DAB1: variants seen among roughly 807,000 people sequenced by gnomAD.
DAB1 encodes the protein DAB adaptor protein 1, also known as disabled homolog 1.
Under a neutral mutation model 64.6 loss-of-function variants are expected in DAB1, and 15 were observed. The ratio of observed to expected loss-of-function variants is 0.23; its 90% confidence interval spans 0.16 to 0.36. The LOEUF (loss-of-function observed/expected upper bound fraction) is 0.36, where lower values mean the gene tolerates loss of function less well. Ranked by LOEUF, DAB1 falls within the 10% of genes least tolerant of loss-of-function variation. The pLI is 1.00. For missense variants in DAB1, 596 were observed against 706.7 expected (o/e 0.84, Z 1.78); for synonymous variants, 235 against 251.9 (o/e 0.93, Z 0.64).
At chr1:57,045,844 T>C (rs1269250149) in intron 9 of DAB1, among the ~76,000 whole-genome samples, 1 of 152,222 alleles carries the variant, frequency 6.6e-6, no homozygotes. Flanking sequence ...AACGATATGC[T>C]GACAGAACTT....
intron 5 of DAB1, among the ~76,000 whole-genome samples, chr1:57,976,719 A>G (rs749878780): frequency 2.0e-5 from 3 of 152,152 alleles, no homozygotes; most frequent in Non-Finnish European, 4.4e-5. Context: ...CCAACATTAG[A>G]TATACTTTCT....
chr1:57,220,308 C>G (rs1666761466), intron 2 of DAB1, among the ~76,000 whole-genome samples: 1 of 152,228 alleles, frequency 6.6e-6, no homozygotes, highest in Admixed American at 6.5e-5. Context: ...ATGCTCTGAG[C>G]TAAAATCATT....
chr1:57,745,227 G>A (rs558905731), intron 6 of DAB1, among the ~76,000 whole-genome samples: 5 of 152,238 alleles, frequency 3.3e-5, no homozygotes, highest in South Asian at 2.1e-4. Context: ...AAAGTGTGGC[G>A]TTGGTGCTCT....
intron 7 of DAB1, among the ~76,000 whole-genome samples, chr1:57,433,660 T>A (rs960750196): frequency 6.6e-6 from 1 of 152,094 alleles, no homozygotes; most frequent in Admixed American, 6.5e-5. Flanking sequence ...AATTGAACTT[T>A]ATCACAGTTT....
intron 7 of DAB1, among the ~76,000 whole-genome samples, chr1:57,534,315 G>A (rs1023544977): frequency 3.9e-5 from 6 of 152,148 alleles, no homozygotes; most frequent in Admixed American, 3.9e-4. Flanking sequence ...TTGCAAAAAT[G>A]TGGATGCAAT....
chr1:57,772,723 G>C (rs1263074439), intron 6 of DAB1, among the ~76,000 whole-genome samples: 1 of 151,928 alleles, frequency 6.6e-6, no homozygotes, highest in Non-Finnish European at 1.5e-5. Context: ...ATTCTAGTAG[G>C]CATTCTCATT....
intron 5 of DAB1, among the ~76,000 whole-genome samples, chr1:57,963,979 T>C (rs553213571): frequency 6.6e-6 from 1 of 152,288 alleles, no homozygotes; most frequent in South Asian, 2.1e-4. Flanking sequence ...TGGACACCAT[T>C]TGCCTTTCAT....
chr1:57,356,735 G>T (rs1398706794), intron 1 of DAB1, among the ~76,000 whole-genome samples: 1 of 151,912 alleles, frequency 6.6e-6, no homozygotes, highest in Non-Finnish European at 1.5e-5. Context: ...CCAAATGAAG[G>T]TCCTAAAGCC....
intron 3 of DAB1, among the ~76,000 whole-genome samples, chr1:58,347,013 T>C (rs1006342003): frequency 6.6e-6 from 1 of 152,232 alleles, no homozygotes; most frequent in Non-Finnish European, 1.5e-5. Context: ...TATGACTCAT[T>C]GGGTTGCTGC....
At chr1:58,118,239 G>A (rs1652467274) in intron 5 of DAB1, among the ~76,000 whole-genome samples, 1 of 150,602 alleles carries the variant, frequency 6.6e-6, no homozygotes, top group African/African-American at 2.4e-5. Flanking sequence ...CTAGGTCAGT[G>A]TTCTCAGACT....
At chr1:58,130,501 T>C (rs1653470631) in intron 5 of DAB1, among the ~76,000 whole-genome samples, 1 of 152,136 alleles carries the variant, frequency 6.6e-6, no homozygotes, top group South Asian at 2.1e-4. Context: ...CCTGTCATTA[T>C]GATGTTAGCT....
At chr1:58,398,603 G>C (rs796853457) in intron 3 of DAB1, among the ~76,000 whole-genome samples, 1 of 152,262 alleles carries the variant, frequency 6.6e-6, no homozygotes, top group Admixed American at 6.5e-5. Context: ...AAGCAGCATA[G>C]CATTACCTTG....
At chr1:57,735,695 GA>G (rs982034809) in intron 6 of DAB1, among the ~76,000 whole-genome samples, 5 of 132,624 alleles carry the variant, frequency 3.8e-5, no homozygotes, top group Admixed American at 8.1e-5. Context: ...TGGTATAGTT[GA>G]AAAAAATTCA....
chr1:58,052,038 CT>C (rs1282437063), intron 5 of DAB1, among the ~76,000 whole-genome samples: 2 of 152,136 alleles, frequency 1.3e-5, no homozygotes, highest in African/African-American at 4.8e-5. Flanking sequence ...TGCAGAAGCT[CT>C]TTAGTTTAAT....
intron 4 of DAB1, among the ~76,000 whole-genome samples, chr1:58,288,871 G>GTCATATTT (rs1661752329): frequency 3.3e-5 from 5 of 152,104 alleles, no homozygotes; most frequent in Admixed American, 3.3e-4. Context: ...ATGTGTGCTG[G>GTCATATTT]TCATATTTCT....
chr1:57,122,060 G>A (rs745388009), intron 4 of DAB1, among the ~76,000 whole-genome samples: 5 of 152,034 alleles, frequency 3.3e-5, no homozygotes, highest in South Asian at 2.1e-4. Flanking sequence ...TTGCCTGTAC[G>A]ATCAATTAAA....
At chr1:57,334,335 T>C (rs539722504) in intron 1 of DAB1, among the ~76,000 whole-genome samples, 1 of 152,362 alleles carries the variant, frequency 6.6e-6, no homozygotes, top group East Asian at 1.9e-4. Context: ...GACTCTGCCA[T>C]GCACTCAGCA....
At chr1:57,578,401 CTT>C (rs1645275103) in intron 7 of DAB1, among the ~76,000 whole-genome samples, 1 of 152,144 alleles carries the variant, frequency 6.6e-6, no homozygotes, top group Non-Finnish European at 1.5e-5. Flanking sequence ...GTGAAAAAAG[CTT>C]CATGGGCTTT....
intron 1 of DAB1, among the ~76,000 whole-genome samples, chr1:57,848,481 T>C (rs1418363412): frequency 6.6e-6 from 1 of 152,244 alleles, no homozygotes; most frequent in African/African-American, 2.4e-5. Flanking sequence ...ATAATACTTA[T>C]CAGTAACTCA....
Sources: allele counts gnomAD v4.1 joint callset (sites outside exome capture counted in the v4.1 genomes callset), GRCh38; gene constraint gnomAD v4.1.1; transcripts MANE v1.5; gene names NCBI Gene and HGNC (gene_info 2026-07-23, HGNC 2026-07-21).